H2BN1: variants seen among roughly 807,000 people sequenced by gnomAD.
H2BN1 encodes the protein H2B.N variant histone 1.
At chr17:32,902,666 C>T in the H2BN1 span, among the ~76,000 whole-genome samples, 1 of 152,024 alleles carries the variant, frequency 6.6e-6, no homozygotes, top group Admixed American at 6.6e-5. Context: ...TGGTGAAACC[C>T]CATCTTTACT....
the H2BN1 span, among the ~76,000 whole-genome samples, chr17:32,901,316 A>G: frequency 5.9e-5 from 9 of 152,134 alleles, no homozygotes. Flanking sequence ...TGTTAATCTG[A>G]CATAGGGGCT....
the H2BN1 span, among the ~76,000 whole-genome samples, chr17:32,900,926 G>A: frequency 1.4e-4 from 21 of 151,974 alleles, no homozygotes; most frequent in African/African-American, 4.6e-4. Context: ...TTTTAATCTC[G>A]GCCAGGTGTG....
At chr17:32,900,414 A>C in the H2BN1 span, among the ~76,000 whole-genome samples, 1 of 152,258 alleles carries the variant, frequency 6.6e-6, no homozygotes, top group Non-Finnish European at 1.5e-5. Context: ...GATTTTGGAA[A>C]TTTTGTAAAA....
chr17:32,897,912 C>CTTAAGCACATA, the H2BN1 span, among the ~76,000 whole-genome samples: 1 of 152,240 alleles, frequency 6.6e-6, no homozygotes, highest in Non-Finnish European at 1.5e-5. Flanking sequence ...ACATTCTAAA[C>CTTAAGCACATA]TAAGTGTTTT....
At chr17:32,899,607 A>G in the H2BN1 span, among the ~76,000 whole-genome samples, 2 of 152,246 alleles carry the variant, frequency 1.3e-5, no homozygotes, top group Non-Finnish European at 2.9e-5. Context: ...ATAAATGAAA[A>G]TAGATTCTTA....
At chr17:32,905,634 G>A in the H2BN1 span, 5 of 152,290 alleles carry the variant, frequency 3.3e-5, no homozygotes, top group East Asian at 7.7e-4. Flanking sequence ...CAAGGTAGTA[G>A]GGGCACAGTG....
the H2BN1 span, among the ~76,000 whole-genome samples, chr17:32,896,873 C>T: frequency 1.8e-4 from 28 of 152,302 alleles, no homozygotes; most frequent in African/African-American, 6.7e-4. Context: ...CAAGATTACC[C>T]CCAGTGGAGA....
At chr17:32,904,624 A>C in the H2BN1 span, among the ~76,000 whole-genome samples, 1 of 152,186 alleles carries the variant, frequency 6.6e-6, no homozygotes, top group East Asian at 1.9e-4. Context: ...AGAACACCCC[A>C]AAAGGGGTGA....
the H2BN1 span, among the ~76,000 whole-genome samples, chr17:32,896,773 C>T: frequency 5.7e-4 from 87 of 152,262 alleles, 2 homozygotes; most frequent in East Asian, 0.015. Context: ...GCAGCCTCTA[C>T]GGCCTCTATC....
At chr17:32,904,048 C>T in the H2BN1 span, among the ~76,000 whole-genome samples, 9 of 152,276 alleles carry the variant, frequency 5.9e-5, no homozygotes, top group African/African-American at 1.2e-4. Flanking sequence ...AGTTTTTATA[C>T]GTGTTTCCTG....
chr17:32,900,033 G>A, the H2BN1 span, among the ~76,000 whole-genome samples: 3 of 152,208 alleles, frequency 2.0e-5, no homozygotes, highest in African/African-American at 7.2e-5. Flanking sequence ...AACAACAATT[G>A]TCTGTGGATG....
At chr17:32,902,458 G>A in the H2BN1 span, among the ~76,000 whole-genome samples, 7 of 152,122 alleles carry the variant, frequency 4.6e-5, no homozygotes, top group East Asian at 1.9e-4. Context: ...AGACTAGACC[G>A]TCTAAAGTCA....
chr17:32,900,481 G>A, the H2BN1 span, among the ~76,000 whole-genome samples: 493 of 152,182 alleles, frequency 3.2e-3, 14 homozygotes, highest in Admixed American at 0.027. Context: ...TGACCAAAGT[G>A]ATAACTCAAG....
chr17:32,901,567 G>C, the H2BN1 span, among the ~76,000 whole-genome samples: 2 of 152,146 alleles, frequency 1.3e-5, no homozygotes, highest in East Asian at 3.8e-4. Flanking sequence ...ATTGTTGTCA[G>C]TGTTTAAGAT....
the H2BN1 span, among the ~76,000 whole-genome samples, chr17:32,898,443 T>G: frequency 6.6e-6 from 1 of 152,194 alleles, no homozygotes; most frequent in South Asian, 2.1e-4. Context: ...TATGTATATA[T>G]CTCAGTGAGT....
the H2BN1 span, among the ~76,000 whole-genome samples, chr17:32,896,103 A>G: frequency 6.6e-6 from 1 of 151,676 alleles, no homozygotes; most frequent in Non-Finnish European, 1.5e-5. Context: ...TTTTTTTTAG[A>G]TAGGGTCTCA....
chr17:32,903,265 G>C, the H2BN1 span, among the ~76,000 whole-genome samples: 17 of 151,802 alleles, frequency 1.1e-4, no homozygotes, highest in South Asian at 2.7e-3. Flanking sequence ...CTTCCTATCA[G>C]TTCATAAAAA....
the H2BN1 span, among the ~76,000 whole-genome samples, chr17:32,902,579 G>A: frequency 3.3e-5 from 5 of 152,188 alleles, no homozygotes; most frequent in African/African-American, 7.2e-5. Context: ...AGTGGCTCAC[G>A]CCTGTAATCC....
At chr17:32,903,957 G>A in the H2BN1 span, among the ~76,000 whole-genome samples, 1 of 152,230 alleles carries the variant, frequency 6.6e-6, no homozygotes, top group African/African-American at 2.4e-5. Flanking sequence ...TCACCACTAA[G>A]TTGTTTCACC....
Sources: gnomAD v4.1 joint callset for allele counts (sites outside exome capture counted in the v4.1 genomes callset) on GRCh38, gnomAD v4.1.1 for gene constraint, MANE v1.5 for transcripts, NCBI Gene and HGNC (gene_info 2026-07-23, HGNC 2026-07-21) for gene names.